The following UBXN7 variants were observed in gnomAD, a reference collection of about 807,000 sequenced individuals.
The protein encoded by UBXN7 is UBX domain-containing protein 7.
UBXN7 carries 9 observed loss-of-function variants against 58.0 expected under a neutral mutation model. That is an observed-to-expected ratio of 0.16 (90% CI 0.09 to 0.27). The LOEUF (loss-of-function observed/expected upper bound fraction) is 0.27, where lower values mean the gene tolerates loss of function less well. Ranked by LOEUF, UBXN7 falls within the 10% of genes least tolerant of loss-of-function variation. UBXN7 has a pLI of 1.00. For missense variants in UBXN7, 328 were observed against 599.6 expected (o/e 0.55, Z 4.73); for synonymous variants, 208 against 205.0 (o/e 1.01, Z -0.12).
intron 3 of UBXN7, among the ~76,000 whole-genome samples, chr3:196,401,298 T>TATATATATATATATAC (rs1269101481): frequency 1.1e-4 from 7 of 61,684 alleles, no homozygotes; most frequent in Non-Finnish European, 1.6e-4. Context: ...TATATATATA[T>TATATATATATATATAC]ACACACACAC....
At chr3:196,420,033 T>C (rs1560243872) in intron 1 of UBXN7, among the ~76,000 whole-genome samples, 1 of 152,092 alleles carries the variant, frequency 6.6e-6, no homozygotes, top group Non-Finnish European at 1.5e-5. Flanking sequence ...GGAACAGTGA[T>C]AAACAAGTTT....
chr3:196,412,003 T>A (rs1483838711), intron 1 of UBXN7, among the ~76,000 whole-genome samples: 1 of 151,436 alleles, frequency 6.6e-6, no homozygotes, highest in African/African-American at 2.4e-5. Context: ...CTGAGGTAGG[T>A]GGATCATTTG....
intron 1 of UBXN7, among the ~76,000 whole-genome samples, chr3:196,414,340 A>G (rs1166037920): frequency 1.3e-5 from 2 of 152,212 alleles, no homozygotes; most frequent in Admixed American, 1.3e-4. Context: ...TACGGAACCC[A>G]TGAATATGGA....
At position 196,385,334 on chromosome 3, in the gene UBXN7, C is replaced by T. The variant is rs1012055632; in HGVS notation, c.468+6479G>A. ...TGTTGCCCAGGCTGAAGTGCAGTGGCGTGATCTCGGCTCGCTACAACCTCC... is the reference window on the plus strand; with the variant it reads ...TGTTGCCCAGGCTGAAGTGCAGTGGTGTGATCTCGGCTCGCTACAACCTCC... On this transcript the variant is annotated intron_variant, in intron 5 of 10. Transcript: ENST00000296328. Among the ~76,000 whole-genome samples the T allele has an allele frequency of 7.9e-5, 12 of 152,314 alleles. No individual in the cohort carries two copies. In the Middle Eastern group the frequency reaches 0.01, roughly 130 times the overall value.
Position 196,352,143 on chromosome 3 carries a change from C to G in UBXN7, c.*4542G>C, listed in dbSNP as rs2108821835. ...AAGACTTTGCTAACTAAAACATATT[C>G]TTCCCTTTTTCTAAGTTTGAACTAA... On this transcript the variant is annotated 3_prime_UTR_variant, in exon 11 of 11. Coordinates refer to ENST00000296328, the MANE Select transcript of UBXN7 (RefSeq NM_015562.2). The surrounding 1 kb of genome is among the most constrained non-coding windows in gnomAD (Gnocchi z 4.1). 1 of 152,340 alleles carries G rather than the reference C, an allele frequency of 6.6e-6. No individual in the cohort carries two copies. The highest frequency in any genetic ancestry group is 2.1e-4 in the South Asian group (1 of 4,828). The allele number at this position is 152,340 out of a possible 1,614,324, so 9.4% of individuals were successfully genotyped here.
At chr3:196,382,741 C>T (rs1262620514) in intron 5 of UBXN7, among the ~76,000 whole-genome samples, 1 of 152,100 alleles carries the variant, frequency 6.6e-6, no homozygotes, top group Non-Finnish European at 1.5e-5. Context: ...ATTCAGGAGA[C>T]CCATCTCACA....
chr3:196,427,877 A>C (rs941109645), intron 1 of UBXN7, among the ~76,000 whole-genome samples: 5 of 152,324 alleles, frequency 3.3e-5, no homozygotes, highest in Non-Finnish European at 7.4e-5. Context: ...CCATAATACC[A>C]GCACTTTGGG....
At chr3:196,397,263 A>T (rs1225453853) in intron 3 of UBXN7, among the ~76,000 whole-genome samples, 1 of 152,204 alleles carries the variant, frequency 6.6e-6, no homozygotes, top group Non-Finnish European at 1.5e-5. Context: ...GAAATTCAGG[A>T]GCTTCAAAGT....
Position 196,368,725 on chromosome 3 carries a change from C to T in UBXN7, c.707-570G>A, listed in dbSNP as rs370290028. Among the ~76,000 whole-genome samples, 80 of 152,280 alleles carry T rather than the reference C, an allele frequency of 5.3e-4. No homozygotes were observed. The South Asian group carries it at 5.6e-3, about 11-fold the overall frequency. On this transcript the variant is annotated intron_variant, in intron 7 of 10. Transcript: ENST00000296328. The stretch of plus-strand genomic sequence containing the variant: ...GACAAAGCAATATCTATATAAAACA[C>T]CATCAATTAATAAAACCAGCTCCAC...
intron 1 of UBXN7, among the ~76,000 whole-genome samples, chr3:196,423,950 C>T (rs1730766372): frequency 6.8e-6 from 1 of 146,786 alleles, no homozygotes; most frequent in Admixed American, 6.9e-5. Flanking sequence ...AGTGCAGTGG[C>T]AAGATCTTGG....
intron 1 of UBXN7, among the ~76,000 whole-genome samples, chr3:196,409,450 AT>A (rs201742896): frequency 1.3e-5 from 2 of 151,860 alleles, no homozygotes; most frequent in Admixed American, 6.6e-5. Context: ...GTGATTTGTG[AT>A]TTTTTTACTG....
intron 8 of UBXN7, 80 bp from the exon 9 acceptor site, chr3:196,362,767 A>C: frequency 1.3e-6 from 2 of 1,487,840 alleles, no homozygotes; most frequent in Non-Finnish European, 1.8e-6. Context: ...GAAATATAAT[A>C]GCTTGCCATT....
chr3:196,365,240 T>A, intron 8 of UBXN7, among the ~76,000 whole-genome samples: 1 of 103,536 alleles, frequency 9.7e-6, no homozygotes. Context: ...GACCTAAGCT[T>A]CCCCACCTTA....
intron 5 of UBXN7, among the ~76,000 whole-genome samples, chr3:196,385,291 C>T (rs903167756): frequency 2.6e-5 from 4 of 152,206 alleles, no homozygotes; most frequent in Admixed American, 6.5e-5. Context: ...GACGGAGTCT[C>T]GCTCAGTCAG....
At chr3:196,432,127 G>C in intron 1 of UBXN7, 200 bp downstream of exon 1, 1 of 723,716 alleles carries the variant, frequency 1.4e-6, no homozygotes, top group Non-Finnish European at 2.4e-6. Flanking sequence ...CAGAGAACGA[G>C]GGTATCGGGA....
chr3:196,365,103 T>G (rs1314466285), intron 8 of UBXN7, among the ~76,000 whole-genome samples: 1 of 152,148 alleles, frequency 6.6e-6, no homozygotes, highest in African/African-American at 2.4e-5. Flanking sequence ...TAAAACGTGT[T>G]CAACTAAAAA....
intron 3 of UBXN7, among the ~76,000 whole-genome samples, chr3:196,394,527 T>C (rs1478078286): frequency 6.7e-6 from 1 of 149,726 alleles, no homozygotes; most frequent in African/African-American, 2.5e-5. Context: ...CACTTGAACC[T>C]GGGAGGTGGA....
chr3:196,356,162 T>TA lies in UBXN7; in HGVS notation c.*522dup, dbSNP rs1431289081. The TA allele has an allele frequency of 6.5e-6, 1 of 152,746 alleles. No individual in the cohort carries two copies. Among genetic ancestry groups the TA allele is most frequent in the African/African-American group, 2.4e-5 (1 of 41,470 alleles). The allele number at this position is 152,746 out of a possible 1,614,324, so 9.5% of individuals were successfully genotyped here. A position where few individuals can be genotyped will look rare whatever the true frequency, so the allele number is the denominator to read the frequency against. ...GTAAACAAAAGCCTGGATATTTTGT[T>TA]AAGCGACATTTCCACATGAAGAACA... On this transcript the variant is annotated 3_prime_UTR_variant, in exon 11 of 11. Coordinates refer to ENST00000296328, the MANE Select transcript of UBXN7 (RefSeq NM_015562.2).
chr3:196,385,263 C>T (rs1366746812), intron 5 of UBXN7, among the ~76,000 whole-genome samples: 2 of 152,214 alleles, frequency 1.3e-5, no homozygotes, highest in African/African-American at 2.4e-5. Flanking sequence ...CTCGGCCTCC[C>T]GAGGTGCCGG....
Sources: gnomAD v4.1 joint callset for allele counts (sites outside exome capture counted in the v4.1 genomes callset) on GRCh38, gnomAD v4.1.1 for gene constraint, Gnocchi (gnomAD v3.1) non-coding constraint, MANE v1.5 for transcripts, NCBI Gene and HGNC (gene_info 2026-07-23, HGNC 2026-07-21) for gene names.